LHFPL6: variants seen among roughly 807,000 people sequenced by gnomAD.
LHFPL6 encodes the protein LHFPL tetraspan subfamily member 6.
In LHFPL6, 9 loss-of-function variants were observed where a neutral mutation model predicts 20.6. That is an observed-to-expected ratio of 0.44 (90% CI 0.26 to 0.76). The LOEUF is 0.76. Among genes scored for constraint, LHFPL6 ranks in the 30% least tolerant of loss-of-function variants. The probability of loss-of-function intolerance (pLI) is 0.20; values close to 1 mark genes in which losing one functional copy is unlikely to be tolerated. For missense variants in LHFPL6, 218 were observed against 253.5 expected (o/e 0.86, Z 0.95); for synonymous variants, 105 against 98.7 (o/e 1.06, Z -0.38).
intron 2 of LHFPL6, among the ~76,000 whole-genome samples, chr13:39,584,159 A>T (rs1449488738): frequency 6.6e-6 from 1 of 152,192 alleles, no homozygotes; most frequent in Non-Finnish European, 1.5e-5. Flanking sequence ...AGTAGGCAAG[A>T]TCCAGACTTT....
At chr13:39,364,741 GT>G (rs1271327746) in intron 3 of LHFPL6, among the ~76,000 whole-genome samples, 2 of 152,062 alleles carry the variant, frequency 1.3e-5, no homozygotes, top group Non-Finnish European at 2.9e-5. Flanking sequence ...TGCCATGGTG[GT>G]TTGCTGCACC....
intron 2 of LHFPL6, among the ~76,000 whole-genome samples, chr13:39,425,432 C>T (rs1871612564): frequency 6.6e-6 from 1 of 152,048 alleles, no homozygotes; most frequent in African/African-American, 2.4e-5. Context: ...TGGGATAATA[C>T]CTAGGAGTGG....
chr13:39,390,844 A>C (rs540354449), intron 2 of LHFPL6, among the ~76,000 whole-genome samples: 1 of 152,202 alleles, frequency 6.6e-6, no homozygotes, highest in South Asian at 2.1e-4. Flanking sequence ...AAAATACAAA[A>C]AAATTAGCCA....
chr13:39,533,307 T>C (rs896945253), intron 2 of LHFPL6, among the ~76,000 whole-genome samples: 1 of 152,180 alleles, frequency 6.6e-6, no homozygotes, highest in African/African-American at 2.4e-5. Flanking sequence ...TATTTCTCTC[T>C]CAAGGAATAT....
intron 2 of LHFPL6, among the ~76,000 whole-genome samples, chr13:39,591,251 AACATCACATTGTTG>A (rs1404275267): frequency 6.6e-6 from 1 of 152,264 alleles, no homozygotes; most frequent in Non-Finnish European, 1.5e-5. Flanking sequence ...ATGTAGCAGC[AACATCACATTGTTG>A]CAGGACGAAG....
intron 2 of LHFPL6, among the ~76,000 whole-genome samples, chr13:39,388,213 C>T (rs1222503015): frequency 6.6e-6 from 1 of 152,186 alleles, no homozygotes; most frequent in East Asian, 1.9e-4. Flanking sequence ...CTTCGGGTTT[C>T]CTTAAAATGT....
chr13:39,485,235 T>C (rs1215947824), intron 2 of LHFPL6, among the ~76,000 whole-genome samples: 1 of 152,208 alleles, frequency 6.6e-6, no homozygotes, highest in Non-Finnish European at 1.5e-5. Context: ...CTGTATCTCA[T>C]AGCCTGGATT....
intron 2 of LHFPL6, among the ~76,000 whole-genome samples, chr13:39,422,829 T>G (rs543041023): frequency 1.3e-5 from 2 of 152,196 alleles, no homozygotes; most frequent in African/African-American, 4.8e-5. Flanking sequence ...GGTAAGAGGT[T>G]TAATTAACTC....
Position 39,371,824 on chromosome 13 carries a change from C to T in LHFPL6, c.484+6604G>A, listed in dbSNP as rs577623389. Among the ~76,000 whole-genome samples, 10 of 152,354 alleles carry T rather than the reference C, an allele frequency of 6.6e-5. No individual in the cohort carries two copies. The South Asian group carries it at 1.7e-3, about 25-fold the overall frequency. ...TGGCATTCCCTGGCAGCCATTATCC[C>T]TTTGAGCGGACACATGACAAAGCTG... On this transcript the variant is annotated intron_variant, in intron 3 of 3. Transcript: ENST00000379589.
At chr13:39,547,290 T>A (rs9548804) in intron 2 of LHFPL6, among the ~76,000 whole-genome samples, 8 of 151,940 alleles carry the variant, frequency 5.3e-5, no homozygotes, top group Non-Finnish European at 1.2e-4. Context: ...TTGCCTCATC[T>A]CTGGTTGCCT....
chr13:39,503,172 T>C lies in LHFPL6; in HGVS notation c.385+97660A>G, dbSNP rs138390015. ...AATGCTTACAGTGACTTATAAATGC[T>C]ACCTGACCCGGCACCCTCAACCACT... On this transcript the variant is annotated intron_variant, in intron 2 of 3. Transcript: ENST00000379589. Among the ~76,000 whole-genome samples the C allele has an allele frequency of 5.8e-4, 88 of 152,318 alleles. No homozygotes were observed. In the East Asian group the frequency reaches 0.016, roughly 27 times the overall value.
intron 2 of LHFPL6, among the ~76,000 whole-genome samples, chr13:39,503,096 G>A (rs1469798810): frequency 2.6e-5 from 4 of 152,104 alleles, no homozygotes; most frequent in Non-Finnish European, 4.4e-5. Flanking sequence ...ACATATGTGA[G>A]TCCTATGCCC....
Position 39,601,356 on chromosome 13 carries a change from C to G in LHFPL6, c.-140G>C. On this transcript the variant is annotated 5_prime_UTR_variant, in exon 2 of 4. It removes the in-frame stop codon of an upstream open reading frame in the 5' UTR. Transcript: ENST00000379589. ...ATGGATCTTCAGTCTTACTGGGCAT[C>G]AACTTTCCATCCTCTGCACTAAAGA... 1 of 764,142 alleles carries G rather than the reference C, an allele frequency of 1.3e-6. No individual in the cohort carries two copies. Among genetic ancestry groups the G allele is most frequent in the Non-Finnish European group, 2.0e-6 (1 of 503,876 alleles). The allele number at this position is 764,142 out of a possible 1,614,324, so 47.3% of individuals were successfully genotyped here.
chr13:39,535,879 G>T (rs145483004), intron 2 of LHFPL6, among the ~76,000 whole-genome samples: 15 of 152,292 alleles, frequency 9.8e-5, no homozygotes, highest in Non-Finnish European at 8.8e-5. Context: ...TGAGCATGGG[G>T]TCTGGCAGAG....
intron 2 of LHFPL6, among the ~76,000 whole-genome samples, chr13:39,551,538 A>C (rs1345963261): frequency 6.6e-6 from 1 of 152,104 alleles, no homozygotes; most frequent in Non-Finnish European, 1.5e-5. Context: ...TGGTTTTCCA[A>C]CTTTGTCCTT....
chr13:39,422,942 A>C (rs1241807251), intron 2 of LHFPL6, among the ~76,000 whole-genome samples: 2 of 152,204 alleles, frequency 1.3e-5, no homozygotes, highest in Non-Finnish European at 2.9e-5. Flanking sequence ...AAAAGTGCAG[A>C]GCAAAAGGGA....
At chr13:39,494,710 G>C (rs1406335354) in intron 2 of LHFPL6, among the ~76,000 whole-genome samples, 2 of 152,108 alleles carry the variant, frequency 1.3e-5, no homozygotes, top group African/African-American at 4.8e-5. Flanking sequence ...AGCTTCACTA[G>C]GGTATTTAAC....
chr13:39,406,791 A>C (rs890006504), intron 2 of LHFPL6, among the ~76,000 whole-genome samples: 10 of 151,708 alleles, frequency 6.6e-5, no homozygotes, highest in Admixed American at 6.5e-4. Flanking sequence ...TGTACATTTA[A>C]TTTTAAGTCT....
At chr13:39,508,883 C>T (rs1869587522) in intron 2 of LHFPL6, among the ~76,000 whole-genome samples, 1 of 152,130 alleles carries the variant, frequency 6.6e-6, no homozygotes, top group Non-Finnish European at 1.5e-5. Context: ...TCGGGTAATA[C>T]AGTATATATG....
Sources: gnomAD v4.1 joint callset for allele counts (sites outside exome capture counted in the v4.1 genomes callset) on GRCh38, gnomAD v4.1.1 for gene constraint, MANE v1.5 for transcripts, NCBI Gene and HGNC (gene_info 2026-07-23, HGNC 2026-07-21) for gene names.